Variants in CAPS2 observed in about 807,000 individuals in gnomAD.
CAPS2 encodes calcyphosine 2, also known as calcyphosin-2.
Under a neutral mutation model 86.5 loss-of-function variants are expected in CAPS2, and 98 were observed. The ratio of observed to expected loss-of-function variants is 1.13; its 90% confidence interval spans 0.96 to 1.34. The LOEUF is 1.34. Among genes scored for constraint, CAPS2 ranks in the 40% most tolerant of loss-of-function variants. The pLI, the probability that CAPS2 is intolerant of heterozygous loss-of-function variation, is 0.00. For synonymous variants in CAPS2, 210 were observed against 225.1 expected, an observed-to-expected ratio of 0.93 and a Z score of 0.60; for missense variants, 729 against 686.8, an observed-to-expected ratio of 1.06 and a Z score of -0.69.
intron 1 of CAPS2, chr12:75,360,003 G>C (rs1379095781): frequency 6.6e-6 from 1 of 152,202 alleles, no homozygotes; most frequent in African/African-American, 2.4e-5. Flanking sequence ...AGTGCAGCAA[G>C]AGAAAGAAAA....
At chr12:75,297,920 C>G (rs1056691940) in intron 11 of CAPS2, among the ~76,000 whole-genome samples, 1 of 152,142 alleles carries the variant, frequency 6.6e-6, no homozygotes, top group East Asian at 1.9e-4. Flanking sequence ...TCCTTTGATT[C>G]CACAAAACTA....
chr12:75,324,527 C>T (rs938081736), intron 2 of CAPS2, among the ~76,000 whole-genome samples: 2 of 152,024 alleles, frequency 1.3e-5, no homozygotes, highest in African/African-American at 2.4e-5. Context: ...GTTACTTACT[C>T]GATATCTTGG....
At chr12:75,298,047 T>C (rs2037198271) in intron 11 of CAPS2, among the ~76,000 whole-genome samples, 1 of 152,208 alleles carries the variant, frequency 6.6e-6, no homozygotes. Flanking sequence ...TAACTTACTG[T>C]TCCATCTACA....
At chr12:75,295,912 A>G (rs942567313) in intron 11 of CAPS2, among the ~76,000 whole-genome samples, 1 of 152,218 alleles carries the variant, frequency 6.6e-6, no homozygotes, top group East Asian at 1.9e-4. Flanking sequence ...TATGAAAAAC[A>G]AAACAAAAAC....
At chr12:75,355,444 T>A (rs2043090989) in intron 1 of CAPS2, among the ~76,000 whole-genome samples, 1 of 152,158 alleles carries the variant, frequency 6.6e-6, no homozygotes, top group Non-Finnish European at 1.5e-5. Flanking sequence ...CCAGTCAGAA[T>A]GGCAATTATT....
chr12:75,309,910 T>C (rs1401222303), intron 7 of CAPS2, among the ~76,000 whole-genome samples: 1 of 152,242 alleles, frequency 6.6e-6, no homozygotes, highest in Non-Finnish European at 1.5e-5. Flanking sequence ...GAAATCTTAA[T>C]GTTAATTTGG....
At chr12:75,378,332 A>T (rs1231355304) in intron 1 of CAPS2, among the ~76,000 whole-genome samples, 2 of 152,166 alleles carry the variant, frequency 1.3e-5, no homozygotes, top group Non-Finnish European at 1.5e-5. Context: ...GAAGCCAAGT[A>T]GTTTTATATT....
chr12:75,356,751 T>C (rs917064927), intron 1 of CAPS2, among the ~76,000 whole-genome samples: 2 of 152,124 alleles, frequency 1.3e-5, no homozygotes, highest in African/African-American at 4.8e-5. Flanking sequence ...AAACAGAAAT[T>C]GCACAATTGG....
At chr12:75,331,589 A>C (rs924428368), upstream of CAPS2, among the ~76,000 whole-genome samples, 11 of 151,156 alleles carry the variant, frequency 7.3e-5, no homozygotes, top group African/African-American at 2.7e-4. Flanking sequence ...TTTGAGACGG[A>C]GTCTCGCTCT....
At position 75,280,873 on chromosome 12, in the gene CAPS2, C is replaced by G. The variant is rs373607704; in HGVS notation, c.1612+1378G>C. Among the ~76,000 whole-genome samples the G allele has an allele frequency of 1.3e-4, 19 of 151,472 alleles. 1 individual carries two copies. The highest frequency in any genetic ancestry group is 9.2e-4 in the Admixed American group (14 of 15,194). The stretch of plus-strand genomic sequence containing the variant: ...AACCATATATGAGGGTTAATGATGA[C>G]GAGAAACCAAAGTAATTACAGTGTA... On this transcript the variant is annotated intron_variant, in intron 16 of 16. Transcript: ENST00000393284.
At chr12:75,289,273 C>A (rs2035437514) in intron 14 of CAPS2, among the ~76,000 whole-genome samples, 1 of 152,192 alleles carries the variant, frequency 6.6e-6, no homozygotes, top group Non-Finnish European at 1.5e-5. Flanking sequence ...TCCTTCCCCA[C>A]AACCTGTCTT....
intron 8 of CAPS2, 107 bp downstream of exon 8, chr12:75,304,649 GA>G (rs2038224691): frequency 4.8e-6 from 4 of 834,752 alleles, no homozygotes; most frequent in Non-Finnish European, 6.7e-6. Context: ...TCTTTATATA[GA>G]AAAAAGTGAA....
chr12:75,289,620 C>T lies in CAPS2; in HGVS notation c.1395+1G>A. The T allele has an allele frequency of 4.4e-6, 7 of 1,607,962 alleles. No homozygotes were observed. Among genetic ancestry groups the T allele is most frequent in the Non-Finnish European group, 5.9e-6 (7 of 1,177,898 alleles). On this transcript the variant is annotated splice_donor_variant, in intron 14 of 16. Transcript: ENST00000393284. LOFTEE classifies it high-confidence loss of function. ...TGCAGAGAATTTTCTGTAGCACATA[C>T]CTTTTCAGACACTTCTAAGTGAAAC...
chr12:75,343,915 A>G, intron 1 of CAPS2: 1 of 1,610,840 alleles, frequency 6.2e-7, no homozygotes, highest in Non-Finnish European at 8.5e-7. Flanking sequence ...ATCATGCTCC[A>G]GAGTCTGTGG....
At chr12:75,300,141 C>G (rs2037569790) in intron 8 of CAPS2, among the ~76,000 whole-genome samples, 2 of 152,082 alleles carry the variant, frequency 1.3e-5, no homozygotes, top group Admixed American at 6.6e-5. Context: ...GAATCTATAG[C>G]ATCAAAGTGC....
At chr12:75,319,373 C>T (rs2040087059) in intron 5 of CAPS2, among the ~76,000 whole-genome samples, 1 of 152,078 alleles carries the variant, frequency 6.6e-6, no homozygotes, top group South Asian at 2.1e-4. Flanking sequence ...CCCAAGAGTG[C>T]TGGTTGTTCA....
intron 4 of CAPS2, among the ~76,000 whole-genome samples, chr12:75,322,228 T>C (rs1418149987): frequency 6.6e-6 from 1 of 152,182 alleles, no homozygotes; most frequent in East Asian, 1.9e-4. Flanking sequence ...TATTATTTGG[T>C]TCCCTACCAC....
chr12:75,305,582 C>G lies in CAPS2; in HGVS notation c.660-706G>C, dbSNP rs112509171. Reference sequence around the variant, plus strand: ...CTGGCAGAGCCGCAGAGCCCTCCTCCAGACCCGACCACTGCCCCAGGCCCC... The same window carrying G: ...CTGGCAGAGCCGCAGAGCCCTCCTCGAGACCCGACCACTGCCCCAGGCCCC... On this transcript the variant is annotated intron_variant, in intron 7 of 16. Transcript: ENST00000393284. 6.8e-3 allele frequency: 4,249 copies of G among 628,082 alleles called. 90 individuals are homozygous for G. The highest frequency in any genetic ancestry group is 0.051 in the African/African-American group (2,827 of 55,196). 38.9% of individuals were successfully genotyped at this position (628,082 alleles called of 1,614,324 possible). A position where few individuals can be genotyped will look rare whatever the true frequency, so the allele number is the denominator to read the frequency against.
At position 75,358,549 on chromosome 12, in the gene CAPS2, C is replaced by T. The variant is rs1378584229; in HGVS notation, c.-395+32289G>A. 2.0e-5 allele frequency among the ~76,000 whole-genome samples: 3 copies of T among 150,922 alleles called. No individual in the cohort carries two copies. The South Asian group carries it at 6.2e-4, about 31-fold the overall frequency. Reference sequence around the variant, plus strand: ...AAGCTAAAAATAGAAGGGAATGTCACAAATCCAACAAAGAACACCTATGAA... The same window carrying T: ...AAGCTAAAAATAGAAGGGAATGTCATAAATCCAACAAAGAACACCTATGAA... On this transcript the variant is annotated intron_variant, in intron 1 of 5. Coordinates refer to the CAPS2 transcript ENST00000551829.
Sources: allele counts gnomAD v4.1 joint callset (sites outside exome capture counted in the v4.1 genomes callset), GRCh38; gene constraint gnomAD v4.1.1; transcripts MANE v1.5; gene names NCBI Gene and HGNC (gene_info 2026-07-23, HGNC 2026-07-21).